Variants in ABCB7 observed in about 807,000 individuals in gnomAD.
The protein encoded by ABCB7 is ATP binding cassette subfamily B member 7.
Under a neutral mutation model 54.4 loss-of-function variants are expected in ABCB7, and 7 were observed. That is an observed-to-expected ratio of 0.13 (90% CI 0.07 to 0.24). ABCB7 has a LOEUF of 0.24. ABCB7 is among the 10% of genes least tolerant of loss of function. ABCB7 has a pLI of 1.00. For missense variants in ABCB7, 356 were observed against 570.4 expected (o/e 0.62, Z 3.83); for synonymous variants, 218 against 207.1 (o/e 1.05, Z -0.45).
intron 1 of ABCB7, among the ~76,000 whole-genome samples, chrX:75,141,572 C>T (rs931290445): frequency 6.3e-5 from 7 of 111,392 alleles, no homozygotes; most frequent in African/African-American, 2.3e-4. Context: ...TTTATTTAAC[C>T]AATCCCAGTG....
chrX:75,124,848 G>T (rs1043153573), intron 1 of ABCB7, among the ~76,000 whole-genome samples: 17 of 111,470 alleles, frequency 1.5e-4, no homozygotes, highest in African/African-American at 5.2e-4. Flanking sequence ...CAGCTGGAAT[G>T]ATGAGATAAT....
chrX:75,090,351 G>A (rs1206262961), intron 4 of ABCB7, among the ~76,000 whole-genome samples: 1 of 110,114 alleles, frequency 9.1e-6, no homozygotes, highest in African/African-American at 3.3e-5. Flanking sequence ...ACAGAATGAC[G>A]GTAGGCATAT....
At position 75,052,418 on chromosome X, in the gene ABCB7, G is replaced by A. The variant is rs751037847; in HGVS notation, c.*952C>T. The A allele has an allele frequency of 1.9e-5, 2 of 102,684 alleles. No homozygotes were observed. The highest frequency in any genetic ancestry group is 2.2e-4 in the Admixed American group (2 of 9,296). 8.5% of individuals were successfully genotyped at this position (102,684 alleles called of 1,213,427 possible). A position where few individuals can be genotyped will look rare whatever the true frequency, so the allele number is the denominator to read the frequency against. Reference sequence around the variant, plus strand: ...GGAGGCGGAGCTTGCAGTGAGCCGAGATCGCGCCACTGCACTCCAGCCTGG... The same window carrying A: ...GGAGGCGGAGCTTGCAGTGAGCCGAAATCGCGCCACTGCACTCCAGCCTGG... On this transcript the variant is annotated 3_prime_UTR_variant, in exon 16 of 16. Transcript: ENST00000373394.
intron 1 of ABCB7, among the ~76,000 whole-genome samples, chrX:75,115,788 G>A (rs749436057): frequency 1.1e-5 from 1 of 93,140 alleles, no homozygotes; most frequent in Admixed American, 1.1e-4. Context: ...GTGTGTGTTG[G>A]GGGGGGGGGC....
intron 1 of ABCB7, among the ~76,000 whole-genome samples, chrX:75,145,150 A>C (rs2082082412): frequency 9.0e-6 from 1 of 111,180 alleles, no homozygotes; most frequent in Non-Finnish European, 1.9e-5. Flanking sequence ...GCTGAATTCT[A>C]CCAAATGTAC....
At chrX:75,093,834 T>C (rs1375345457) in intron 4 of ABCB7, among the ~76,000 whole-genome samples, 1 of 107,952 alleles carries the variant, frequency 9.3e-6, no homozygotes, top group Non-Finnish European at 1.9e-5. Context: ...ACTGTCTCAT[T>C]TTAAAAAATA....
chrX:75,075,065 G>A (rs932146581), intron 6 of ABCB7, among the ~76,000 whole-genome samples: 2 of 111,527 alleles, frequency 1.8e-5, no homozygotes, highest in Non-Finnish European at 3.8e-5. Context: ...TAGATATTCT[G>A]AGCATATTAG....
intron 13 of ABCB7, among the ~76,000 whole-genome samples, chrX:75,063,194 TTAAA>T (rs2081293189): frequency 9.0e-6 from 1 of 111,215 alleles, no homozygotes; most frequent in Non-Finnish European, 1.9e-5. Flanking sequence ...AAAGTATTTC[TTAAA>T]TAAACAGTGA....
intron 9 of ABCB7, 95 bp from the exon 10 acceptor site, chrX:75,070,617 T>C (rs986908217): frequency 4.5e-6 from 4 of 882,698 alleles, no homozygotes; most frequent in Non-Finnish European, 6.6e-6. Flanking sequence ...CGGAACAAAA[T>C]ATTCTTAATC....
At chrX:75,101,260 T>G (rs1418400236) in intron 3 of ABCB7, among the ~76,000 whole-genome samples, 1 of 109,407 alleles carries the variant, frequency 9.1e-6, no homozygotes, top group Non-Finnish European at 1.9e-5. Context: ...GGGGGGAAAT[T>G]GTCAACATAT....
intron 3 of ABCB7, among the ~76,000 whole-genome samples, chrX:75,111,140 A>G (rs1318986917): frequency 8.9e-6 from 1 of 111,921 alleles, no homozygotes; most frequent in African/African-American, 3.2e-5. Context: ...TCAGTTGGTT[A>G]TAAGGTAAAA....
chrX:75,114,956 C>G, intron 1 of ABCB7, 125 bp from the exon 2 acceptor site: 2 of 578,491 alleles, frequency 3.5e-6, no homozygotes, highest in Non-Finnish European at 5.2e-6. Flanking sequence ...GATGATTATG[C>G]TTTTAACGTA....
chrX:75,120,026 T>C (rs904165158), intron 1 of ABCB7, among the ~76,000 whole-genome samples: 6 of 111,941 alleles, frequency 5.4e-5, no homozygotes, highest in African/African-American at 1.9e-4. Flanking sequence ...AAAGCTAAAA[T>C]GTTTATGAAT....
intron 12 of ABCB7, among the ~76,000 whole-genome samples, chrX:75,068,423 C>A (rs1305901114): frequency 8.9e-6 from 1 of 111,802 alleles, no homozygotes; most frequent in African/African-American, 3.3e-5. Flanking sequence ...TTTATTTTCC[C>A]TCCAAAGTAA....
intron 1 of ABCB7, among the ~76,000 whole-genome samples, chrX:75,151,954 A>G (rs1490147955): frequency 1.8e-5 from 2 of 111,399 alleles, no homozygotes; most frequent in Non-Finnish European, 3.8e-5. Context: ...TCTTAATAGT[A>G]TTCAATATCA....
chrX:75,119,016 G>C (rs1021627960), intron 1 of ABCB7, among the ~76,000 whole-genome samples: 1 of 112,215 alleles, frequency 8.9e-6, no homozygotes, highest in African/African-American at 3.2e-5. Context: ...AGGATCTTCT[G>C]TCTGCGTATT....
Position 75,051,073 on chromosome X carries a change from A to G in ABCB7, c.*2297T>C, listed in dbSNP as rs1407238966. Among the ~76,000 whole-genome samples the G allele has an allele frequency of 9.1e-6, 1 of 110,171 alleles. No individual in the cohort carries two copies. Among genetic ancestry groups the G allele is most frequent in the Non-Finnish European group, 1.9e-5 (1 of 52,636 alleles). On this transcript the variant is annotated 3_prime_UTR_variant, in exon 16 of 16. Coordinates refer to ENST00000373394, the MANE Select transcript of ABCB7 (RefSeq NM_001271696.3). ...TTTCCAGTAATGCAACTGGTTTATT[A>G]AAAGTACTCACCCCACCCCCAGAAG...
intron 1 of ABCB7, among the ~76,000 whole-genome samples, chrX:75,120,585 G>A (rs2081869071): frequency 9.2e-6 from 1 of 109,186 alleles, no homozygotes; most frequent in Non-Finnish European, 1.9e-5. Context: ...CTGGGCAACA[G>A]AGTGAGACTT....
chrX:75,141,616 T>C (rs982805482), intron 1 of ABCB7, among the ~76,000 whole-genome samples: 5 of 112,068 alleles, frequency 4.5e-5, no homozygotes, highest in African/African-American at 1.6e-4. Flanking sequence ...CTTTGAGCAC[T>C]ACAAATAACA....
Sources: allele counts gnomAD v4.1 joint callset (sites outside exome capture counted in the v4.1 genomes callset), GRCh38; gene constraint gnomAD v4.1.1; transcripts MANE v1.5; gene names NCBI Gene and HGNC (gene_info 2026-07-23, HGNC 2026-07-21).